The following KMT2E variants were observed in gnomAD, a reference collection of about 807,000 sequenced individuals.
KMT2E encodes histone reader KMT2E.
A neutral mutation model predicts 184.6 loss-of-function variants in KMT2E; 30 were observed. The observed-to-expected ratio is 0.16, with a 90% confidence interval of 0.12 to 0.22. The LOEUF (loss-of-function observed/expected upper bound fraction) is 0.22, where lower values mean the gene tolerates loss of function less well. Among genes scored for constraint, KMT2E ranks in the 10% least tolerant of loss-of-function variants. The probability of loss-of-function intolerance (pLI) is 1.00; values close to 1 mark genes in which losing one functional copy is unlikely to be tolerated. For synonymous variants in KMT2E, 815 were observed against 776.5 expected (o/e 1.05, Z -0.82); for missense variants, 2,023 against 2,237.4 (o/e 0.90, Z 1.93).
chr7:105,093,382 A>G lies in KMT2E; in HGVS notation c.1722+2068A>G, dbSNP rs78844437. Among the ~76,000 whole-genome samples the G allele has an allele frequency of 3.9e-3, 587 of 152,236 alleles. 1 individual carries two copies. Among genetic ancestry groups the G allele is most frequent in the Non-Finnish European group, 6.0e-3 (405 of 68,006 alleles). On this transcript the variant is annotated intron_variant, in intron 15 of 26. Transcript: ENST00000311117. ...TAGAACATCCTCATTTCCAGATGCC[A>G]GAAGAAAATTGGATATTTGCTGGGC...
rs542600441 is a variant in KMT2E, at chr7:105,092,243, A to C, written c.1722+929A>C. Among the ~76,000 whole-genome samples the C allele has an allele frequency of 6.8e-4, 103 of 152,248 alleles. 1 individual carries two copies. Among genetic ancestry groups the C allele is most frequent in the Admixed American group, 5.6e-3 (85 of 15,292 alleles). On this transcript the variant is annotated intron_variant, in intron 15 of 26. Transcript: ENST00000311117. ...CCAGCCTGGTCAACATGGCAAAACC[A>C]CGTCTCTACTAAAAATACAAAAATT...
At position 105,091,321 on chromosome 7, in the gene KMT2E, T is replaced by A; in HGVS notation, c.1722+7T>A. The A allele has an allele frequency of 1.3e-6, 2 of 1,547,632 alleles. No homozygotes were observed. Among genetic ancestry groups the A allele is most frequent in the Non-Finnish European group, 1.8e-6 (2 of 1,119,746 alleles). ...AGAAAGGAAAAGGAAGATGGTAAGT[T>A]GGGAAGCCAGTAGTTTGGGCTTAGT... On this transcript the variant is annotated splice_region_variant and intron_variant, in intron 15 of 26. Coordinates refer to ENST00000311117, the MANE Select transcript of KMT2E (RefSeq NM_182931.3).
chr7:105,068,631 T>TG, intron 6 of KMT2E, among the ~76,000 whole-genome samples: 2 of 135,260 alleles, frequency 1.5e-5, no homozygotes, highest in African/African-American at 3.1e-5. Context: ...GTGGTTTTTT[T>TG]TTTTTTTGTT....
At chr7:105,097,245 C>CCAA (rs1158595160) in intron 15 of KMT2E, among the ~76,000 whole-genome samples, 1 of 152,178 alleles carries the variant, frequency 6.6e-6, no homozygotes, top group Non-Finnish European at 1.5e-5. Context: ...GAGATGTTAT[C>CCAA]CAACTCCCTG....
At chr7:105,050,636 CTCTTTTCTT>C (rs1796292130) in intron 3 of KMT2E, among the ~76,000 whole-genome samples, 8 of 135,654 alleles carry the variant, frequency 5.9e-5, no homozygotes, top group Non-Finnish European at 9.9e-5. Flanking sequence ...CTTTTCTTTT[CTCTTTTCTT>C]TTTTCTTTCT....
At chr7:105,045,786 T>C (rs370547668) in intron 3 of KMT2E, among the ~76,000 whole-genome samples, 2 of 152,364 alleles carry the variant, frequency 1.3e-5, no homozygotes, top group African/African-American at 2.4e-5. Flanking sequence ...ACTCCCTGTT[T>C]TAAATTCTTT....
intron 13 of KMT2E, 48 bp from the exon 14 acceptor site, chr7:105,089,961 G>A (rs1798133935): frequency 6.3e-7 from 1 of 1,583,310 alleles, no homozygotes. Flanking sequence ...AAAATTTCCA[G>A]TTTTGTTTTA....
intron 17 of KMT2E, 136 bp from the exon 18 acceptor site, chr7:105,105,303 T>A: frequency 1.8e-6 from 1 of 553,870 alleles, no homozygotes; most frequent in Non-Finnish European, 3.0e-6. Flanking sequence ...TACTGATATT[T>A]TGATCACATA....
At chr7:105,018,356 A>G (rs1025432825) in intron 1 of KMT2E, among the ~76,000 whole-genome samples, 1 of 152,174 alleles carries the variant, frequency 6.6e-6, no homozygotes, top group Admixed American at 6.5e-5. Flanking sequence ...TATGTTTACT[A>G]TTTTAAAAAT....
At chr7:105,051,415 C>T (rs1024263312) in intron 3 of KMT2E, among the ~76,000 whole-genome samples, 1 of 151,974 alleles carries the variant, frequency 6.6e-6, no homozygotes, top group African/African-American at 2.4e-5. Flanking sequence ...AAACTCCCGA[C>T]CTCAGGTGAT....
intron 1 of KMT2E, among the ~76,000 whole-genome samples, chr7:105,026,716 A>T (rs1795191253): frequency 6.6e-6 from 1 of 152,190 alleles, no homozygotes; most frequent in African/African-American, 2.4e-5. Context: ...CATGGATGTG[A>T]TATGGTTGTA....
chr7:105,020,768 A>C (rs1794916868), intron 1 of KMT2E, among the ~76,000 whole-genome samples: 1 of 152,216 alleles, frequency 6.6e-6, no homozygotes, highest in South Asian at 2.1e-4. Flanking sequence ...AATAAGCTTA[A>C]AGATTAAATA....
chr7:105,069,497 A>C (rs924903545), intron 6 of KMT2E, among the ~76,000 whole-genome samples: 1 of 152,230 alleles, frequency 6.6e-6, no homozygotes, highest in Non-Finnish European at 1.5e-5. Context: ...GGCATAGTGT[A>C]CGAGGGTTTT....
intron 3 of KMT2E, among the ~76,000 whole-genome samples, chr7:105,041,768 A>G (rs779654309): frequency 3.3e-5 from 5 of 152,144 alleles, no homozygotes; most frequent in Non-Finnish European, 5.9e-5. Context: ...ATAATGAAAC[A>G]TTTTCAGAAA....
Position 105,110,356 on chromosome 7 carries a change from G to C in KMT2E, c.3832G>C (p.Asp1278His), listed in dbSNP as rs1173740073. 1.2e-6 allele frequency: 2 copies of C among 1,614,108 alleles called. No homozygotes were observed. Among genetic ancestry groups the C allele is most frequent in the South Asian group, 1.1e-5 (1 of 91,080 alleles). ...TTTACTTCTCAGTGATCACCGAAAAGATAAAGATAGTGGTAAGTGAGCTTG... is the reference window on the plus strand; with the variant it reads ...TTTACTTCTCAGTGATCACCGAAAACATAAAGATAGTGGTAAGTGAGCTTG... Reference protein sequence around the residue: ...RALLLSDHRKDKDSGGESPCV... With the variant: ...RALLLSDHRKHKDSGGESPCV... The change falls in exon 24 of 27, where the codon GAT (aspartate) becomes CAT (histidine). Residue 1278 changes from aspartate to histidine, a missense_variant. By Grantham distance (81) the Asp-to-His change is moderately conservative. Coordinates refer to ENST00000311117, the MANE Select transcript of KMT2E (RefSeq NM_182931.3).
At chr7:105,103,125 T>C (rs945422364) in intron 17 of KMT2E, 3 of 152,114 alleles carry the variant, frequency 2.0e-5, no homozygotes, top group Non-Finnish European at 2.9e-5. Context: ...AATTCTAACT[T>C]TGTAAAGTGA....
intron 1 of KMT2E, among the ~76,000 whole-genome samples, chr7:105,014,737 T>G (rs1433544662): frequency 6.6e-6 from 1 of 152,052 alleles, no homozygotes; most frequent in African/African-American, 2.4e-5. Flanking sequence ...AATGGAGCAT[T>G]ATGGCGGGTT....
intron 1 of KMT2E, among the ~76,000 whole-genome samples, chr7:105,037,110 A>G (rs1234777987): frequency 1.3e-5 from 2 of 152,120 alleles, no homozygotes; most frequent in East Asian, 3.8e-4. Context: ...TCCATTAGTA[A>G]TTAAGCCAAA....
chr7:105,015,293 A>G (rs1794669899), intron 1 of KMT2E, among the ~76,000 whole-genome samples: 1 of 152,164 alleles, frequency 6.6e-6, no homozygotes, highest in South Asian at 2.1e-4. Context: ...ATGAGAAACA[A>G]ACGGTTCACT....
Sources: allele counts gnomAD v4.1 joint callset (sites outside exome capture counted in the v4.1 genomes callset), GRCh38; gene constraint gnomAD v4.1.1; transcripts MANE v1.5; gene names NCBI Gene and HGNC (gene_info 2026-07-23, HGNC 2026-07-21).